CALN1: variants seen among roughly 807,000 people sequenced by gnomAD.
The protein encoded by CALN1 is calneuron 1.
A neutral mutation model predicts 30.6 loss-of-function variants in CALN1; 17 were observed. The ratio of observed to expected loss-of-function variants is 0.56; its 90% CI spans 0.38 to 0.83. The LOEUF is 0.83. Among genes scored for constraint, CALN1 ranks in the 40% least tolerant of loss-of-function variants. The pLI is 0.00. For missense variants in CALN1, 291 were observed against 354.9 expected (o/e 0.82, Z 1.45); for synonymous variants, 156 against 131.4 (o/e 1.19, Z -1.28).
At chr7:71,974,648 A>G (rs928525418) in intron 5 of CALN1, among the ~76,000 whole-genome samples, 3 of 152,072 alleles carry the variant, frequency 2.0e-5, no homozygotes, top group Admixed American at 2.0e-4. Flanking sequence ...ATGAATTGAC[A>G]AGCATTAAGT....
chr7:72,072,048 T>C (rs1407753508), intron 4 of CALN1, among the ~76,000 whole-genome samples: 1 of 152,140 alleles, frequency 6.6e-6, no homozygotes, highest in Non-Finnish European at 1.5e-5. Context: ...CATCATCAAG[T>C]GGACCAACAT....
intron 4 of CALN1, among the ~76,000 whole-genome samples, chr7:72,060,718 GT>G (rs1292378767): frequency 6.6e-6 from 1 of 152,096 alleles, no homozygotes; most frequent in African/African-American, 2.4e-5. Flanking sequence ...GTGATGCATG[GT>G]AGTGAGTTCA....
chr7:72,181,691 G>C (rs1306610710), intron 3 of CALN1, among the ~76,000 whole-genome samples: 3 of 152,140 alleles, frequency 2.0e-5, no homozygotes, highest in Non-Finnish European at 4.4e-5. Flanking sequence ...TGGCCAGGCT[G>C]GTCTCGAACT....
intron 5 of CALN1, among the ~76,000 whole-genome samples, chr7:71,931,895 T>G (rs1045756851): frequency 2.0e-5 from 3 of 152,176 alleles, no homozygotes; most frequent in Non-Finnish European, 4.4e-5. Context: ...TCTGCCAGCC[T>G]AGCACACTTT....
At chr7:72,287,875 A>C (rs943168644) in intron 2 of CALN1, among the ~76,000 whole-genome samples, 1 of 152,180 alleles carries the variant, frequency 6.6e-6, no homozygotes. Context: ...TCTGAACTGC[A>C]TATCTAGATA....
At chr7:72,006,885 G>C (rs1799800265) in intron 5 of CALN1, among the ~76,000 whole-genome samples, 2 of 151,064 alleles carry the variant, frequency 1.3e-5, no homozygotes, top group Admixed American at 1.3e-4. Flanking sequence ...TTCATAACTG[G>C]GTCCCCATTT....
intron 5 of CALN1, among the ~76,000 whole-genome samples, chr7:72,014,244 G>A (rs1001725477): frequency 1.3e-5 from 2 of 151,836 alleles, no homozygotes; most frequent in Non-Finnish European, 2.9e-5. Flanking sequence ...GCGCCACCAC[G>A]CCCAGCTAAT....
the CALN1 span, among the ~76,000 whole-genome samples, chr7:72,453,063 C>G: frequency 6.6e-6 from 1 of 152,250 alleles, no homozygotes; most frequent in African/African-American, 2.4e-5. Context: ...CTGCACCCCT[C>G]AGAGGTCCAG....
At chr7:72,258,702 A>G (rs1042154267) in intron 3 of CALN1, among the ~76,000 whole-genome samples, 1 of 152,080 alleles carries the variant, frequency 6.6e-6, no homozygotes, top group Non-Finnish European at 1.5e-5. Context: ...CAGATCACCC[A>G]AGGTCAGGAG....
chr7:72,448,613 C>CT (rs199535062), upstream of CALN1, among the ~76,000 whole-genome samples: 827 of 146,042 alleles, frequency 5.7e-3, 6 homozygotes, highest in African/African-American at 0.016. Context: ...CTTGCGTGAT[C>CT]TTTTTTTTTT....
At chr7:72,180,663 A>G (rs1458018926) in intron 3 of CALN1, among the ~76,000 whole-genome samples, 1 of 136,778 alleles carries the variant, frequency 7.3e-6, no homozygotes, top group African/African-American at 2.8e-5. Context: ...GCTGGAGTGC[A>G]GTGGCACCAT....
chr7:71,840,486 A>T (rs1302542547), intron 5 of CALN1, among the ~76,000 whole-genome samples: 2 of 18,164 alleles, frequency 1.1e-4, no homozygotes, highest in African/African-American at 2.3e-4. Flanking sequence ...TGCTCTCTTT[A>T]AAAAAAAAAA....
chr7:72,051,253 G>C (rs538531490), intron 4 of CALN1, among the ~76,000 whole-genome samples: 38 of 151,792 alleles, frequency 2.5e-4, no homozygotes, highest in Non-Finnish European at 4.4e-4. Flanking sequence ...AATCCAGAAA[G>C]AAGAAAATAT....
At chr7:71,891,333 A>G (rs7794982) in intron 5 of CALN1, among the ~76,000 whole-genome samples, 1,661 of 152,266 alleles carry the variant, frequency 0.011, 20 homozygotes, top group African/African-American at 0.038. Flanking sequence ...CTGCTTCCCA[A>G]TTGCTTTTCA....
chr7:72,211,765 T>G (rs1040893200), intron 3 of CALN1, among the ~76,000 whole-genome samples: 1 of 152,114 alleles, frequency 6.6e-6, no homozygotes, highest in Non-Finnish European at 1.5e-5. Context: ...GCAGATGAGG[T>G]GACAGCCGGT....
intron 2 of CALN1, among the ~76,000 whole-genome samples, chr7:72,312,537 T>A (rs1168199299): frequency 6.6e-6 from 1 of 151,994 alleles, no homozygotes; most frequent in Non-Finnish European, 1.5e-5. Context: ...GAAAATTGGG[T>A]TGCAGGTGAG....
the CALN1 span, among the ~76,000 whole-genome samples, chr7:72,467,434 G>C: frequency 2.0e-5 from 3 of 152,228 alleles, no homozygotes; most frequent in East Asian, 1.9e-4. Context: ...CCTGGAGCTC[G>C]GCCAGGACTC....
chr7:72,031,828 G>A (rs1317940546), intron 4 of CALN1, among the ~76,000 whole-genome samples: 1 of 142,432 alleles, frequency 7.0e-6, no homozygotes, highest in African/African-American at 2.6e-5. Context: ...CGCAACCTCC[G>A]CCTTCCGGGT....
At chr7:72,360,137 G>T (rs1208578874) in intron 2 of CALN1, among the ~76,000 whole-genome samples, 2 of 152,024 alleles carry the variant, frequency 1.3e-5, no homozygotes, top group Non-Finnish European at 2.9e-5. Context: ...AACTATAAAG[G>T]ACATTATTGC....
Sources: allele counts gnomAD v4.1 joint callset (sites outside exome capture counted in the v4.1 genomes callset), GRCh38; gene constraint gnomAD v4.1.1; transcripts MANE v1.5; gene names NCBI Gene and HGNC (gene_info 2026-07-23, HGNC 2026-07-21).